The following FAM72B variants were observed in gnomAD, a reference collection of about 807,000 sequenced individuals.
FAM72B encodes protein FAM72B.
Under a neutral mutation model 12.6 loss-of-function variants are expected in FAM72B, and 4 were observed. That is an observed-to-expected ratio of 0.32 (90% CI 0.16 to 0.73). The LOEUF is 0.73. Among genes scored for constraint, FAM72B ranks in the 30% least tolerant of loss-of-function variants. The pLI, the probability that FAM72B is intolerant of heterozygous loss-of-function variation, is 0.67. For missense variants in FAM72B, 61 were observed against 158.4 expected, an observed-to-expected ratio of 0.39 and a Z score of 3.30; for synonymous variants, 13 against 53.9, an observed-to-expected ratio of 0.24 and a Z score of 3.32.
intron 2 of FAM72B, among the ~76,000 whole-genome samples, chr1:121,179,983 C>G (rs1553317401): frequency 1.0e-5 from 1 of 97,508 alleles, no homozygotes; most frequent in Non-Finnish European, 1.9e-5. Context: ...AATCAAATAG[C>G]ACATAAGAAG....
intron 2 of FAM72B, among the ~76,000 whole-genome samples, chr1:121,179,782 C>T (rs1362615680): frequency 3.6e-5 from 5 of 139,964 alleles, no homozygotes; most frequent in South Asian, 2.2e-4. Flanking sequence ...AAGCTGAGAT[C>T]GTGCCACTGC....
chr1:121,179,576 C>T (rs1260509449), intron 2 of FAM72B, among the ~76,000 whole-genome samples: 1 of 152,098 alleles, frequency 6.6e-6, no homozygotes, highest in East Asian at 1.9e-4. Flanking sequence ...GCCTGTAATC[C>T]TAGCACTTAG....
At position 121,172,806 on chromosome 1, in the gene FAM72B, ACT is replaced by A. The variant is rs1654122918; in HGVS notation, c.356-3973_356-3972del. Among the ~76,000 whole-genome samples the A allele has an allele frequency of 2.5e-5, 3 of 118,640 alleles. 1 individual carries two copies. In the Admixed American group the frequency reaches 2.6e-4, roughly 10 times the overall value. 77.8% of individuals were successfully genotyped at this position (118,640 alleles called of 152,430 possible). On this transcript the variant is annotated intron_variant, in intron 3 of 3. Transcript: ENST00000369390. ...AAGGTACTTCAGGCCAGGCATGGTG[ACT>A]CACGTCTGTAATCCCATGTAATCCC...
chr1:121,177,789 T>TCC (rs1553317076), intron 2 of FAM72B, among the ~76,000 whole-genome samples: 1 of 149,682 alleles, frequency 6.7e-6, no homozygotes, highest in African/African-American at 2.5e-5. Context: ...CCTCAGGTGA[T>TCC]CCACCTGCCT....
In FAM72B at chr1:121,168,816, C is replaced by T. The variant is rs1553315754; in HGVS notation, c.375G>A (p.Trp125Ter). ...LDSTGVNILL[W>*]GNLPEIEEST... ...TCTCTTCTATCTCTGGCAAGTTGCC[C>T]CAAAGTAGGATGTTTACACCTGAAA... Residue 125 changes from tryptophan to a stop codon, truncating the protein, a stop_gained, in exon 4 of 4, where the codon TGG becomes TGA. Coordinates refer to ENST00000369390, the MANE Select transcript of FAM72B (RefSeq NM_001100910.2). LOFTEE classifies it high-confidence loss of function. The T allele has an allele frequency of 1.9e-6, 3 of 1,609,302 alleles. No individual in the cohort carries two copies. Among genetic ancestry groups the T allele is most frequent in the South Asian group, 1.1e-5 (1 of 90,314 alleles).
intron 3 of FAM72B, among the ~76,000 whole-genome samples, chr1:121,175,661 T>TA (rs1482226729): frequency 3.3e-5 from 2 of 61,040 alleles, no homozygotes; most frequent in Non-Finnish European, 6.5e-5. Flanking sequence ...GTGGTAGAAA[T>TA]AGCAAGAAAA....
At position 121,183,541 on chromosome 1, in the gene FAM72B, A is replaced by G; in HGVS notation, c.-52T>C. 1.2e-6 allele frequency: 2 copies of G among 1,607,140 alleles called. No individual in the cohort carries two copies. Among genetic ancestry groups the G allele is most frequent in the Middle Eastern group, 2.3e-4 (1 of 4,402 alleles). On this transcript the variant is annotated 5_prime_UTR_variant, in exon 1 of 4. Transcript: ENST00000369390. Reference sequence around the variant, plus strand: ...GATTTTGAAAAAGGAAACAAGAGTAATGCTCCTACTATTTTGATTCCCCTA... The same window carrying G: ...GATTTTGAAAAAGGAAACAAGAGTAGTGCTCCTACTATTTTGATTCCCCTA...
Position 121,183,629 on chromosome 1 carries a change from G to A in FAM72B, c.-140C>T. ...AGTCCTAATATTGGGAAGGAAATTA[G>A]TTTTTTTTTTCTGTTTTCCCGGTGG... is the stretch of plus-strand genomic sequence containing the variant. On this transcript the variant is annotated 5_prime_UTR_variant, in exon 1 of 4. Coordinates refer to ENST00000369390, the MANE Select transcript of FAM72B (RefSeq NM_001100910.2). 1 of 1,527,846 alleles carries A rather than the reference G, an allele frequency of 6.5e-7. No homozygotes were observed. Among genetic ancestry groups the A allele is most frequent in the South Asian group, 1.3e-5 (1 of 78,058 alleles). 94.6% of individuals were successfully genotyped at this position (1,527,846 alleles called of 1,614,324 possible).
chr1:121,171,471 CTT>C (rs1553316183), intron 3 of FAM72B, among the ~76,000 whole-genome samples: 1 of 146,008 alleles, frequency 6.8e-6, no homozygotes, highest in Admixed American at 7.0e-5. Flanking sequence ...CAGCACCTTC[CTT>C]TCTCTGTTAA....
chr1:121,169,635 A>G (rs1371216093), intron 3 of FAM72B, among the ~76,000 whole-genome samples: 3 of 152,160 alleles, frequency 2.0e-5, no homozygotes, highest in Non-Finnish European at 2.9e-5. Flanking sequence ...TCTGATTCAG[A>G]AAAAAAGCAA....
intron 2 of FAM72B, among the ~76,000 whole-genome samples, chr1:121,179,450 G>A (rs1400849534): frequency 2.7e-5 from 4 of 149,394 alleles, no homozygotes; most frequent in African/African-American, 7.4e-5. Context: ...TTGGGAGGCC[G>A]AGGCAGGTGG....
Position 121,183,497 on chromosome 1 carries a change from C to A in FAM72B, c.-8G>T, listed in dbSNP as rs781940354. On this transcript the variant is annotated 5_prime_UTR_variant, in exon 1 of 4. Coordinates refer to ENST00000369390, the MANE Select transcript of FAM72B (RefSeq NM_001100910.2). Reference sequence around the variant, plus strand: ...ACAAATGTTGGTAGACATGGCGTCGCAGGAAGGATGAGGTGTGGGATTTTG... The same window carrying A: ...ACAAATGTTGGTAGACATGGCGTCGAAGGAAGGATGAGGTGTGGGATTTTG... The A allele has an allele frequency of 6.5e-7, 1 of 1,538,274 alleles. No homozygotes were observed.
In FAM72B at chr1:121,174,501, G is replaced by T. The variant is rs1216820592; in HGVS notation, c.355+2707C>A. ...TCCTGCCTTAGCCTCCCAAGTAGCTGGGATTATAGGCATGCGCCACCATGC... is the reference window on the plus strand; with the variant it reads ...TCCTGCCTTAGCCTCCCAAGTAGCTTGGATTATAGGCATGCGCCACCATGC... On this transcript the variant is annotated intron_variant, in intron 3 of 3. Coordinates refer to ENST00000369390, the MANE Select transcript of FAM72B (RefSeq NM_001100910.2). Among the ~76,000 whole-genome samples, 261 of 143,724 alleles carry T rather than the reference G, an allele frequency of 1.8e-3. 2 individuals carry two copies. The highest frequency in any genetic ancestry group is 6.3e-3 in the African/African-American group (244 of 38,784). 94.3% of individuals were successfully genotyped at this position (143,724 alleles called of 152,430 possible). A position where few individuals can be genotyped will look rare whatever the true frequency, so the allele number is the denominator to read the frequency against.
intron 3 of FAM72B, among the ~76,000 whole-genome samples, chr1:121,169,584 C>G (rs1654046700): frequency 6.6e-6 from 1 of 152,132 alleles, no homozygotes; most frequent in African/African-American, 2.4e-5. Context: ...AATAAGCCTC[C>G]TCATCCCTTC....
At chr1:121,174,614 G>T (rs1454223355) in intron 3 of FAM72B, among the ~76,000 whole-genome samples, 1 of 150,538 alleles carries the variant, frequency 6.6e-6, no homozygotes, top group Non-Finnish European at 1.5e-5. Flanking sequence ...TGATCTGCCC[G>T]CCTTGGCCTC....
At chr1:121,180,373 C>T (rs1654307429) in intron 2 of FAM72B, among the ~76,000 whole-genome samples, 1 of 119,376 alleles carries the variant, frequency 8.4e-6, no homozygotes, top group Non-Finnish European at 1.6e-5. Context: ...GAAATCCTGT[C>T]TCTACTAAAA....
chr1:121,172,760 CAAAAA>C (rs782502540), intron 3 of FAM72B, among the ~76,000 whole-genome samples: 25 of 21,524 alleles, frequency 1.2e-3, no homozygotes, highest in South Asian at 4.8e-3. Flanking sequence ...GACTCCATCT[CAAAAA>C]AAAAAAAAAA....
intron 3 of FAM72B, among the ~76,000 whole-genome samples, chr1:121,173,183 AATT>A (rs1489217735): frequency 8.4e-6 from 1 of 118,886 alleles, no homozygotes; most frequent in Non-Finnish European, 1.7e-5. Flanking sequence ...TTACTAAAAT[AATT>A]TTTTTTTTTT....
intron 2 of FAM72B, among the ~76,000 whole-genome samples, chr1:121,179,827 TAAAA>T (rs1278412357): frequency 8.1e-6 from 1 of 123,520 alleles, no homozygotes; most frequent in Non-Finnish European, 1.7e-5. Context: ...AACTCCGTCT[TAAAA>T]AAAAAAAAAA....
Sources: allele counts gnomAD v4.1 joint callset (sites outside exome capture counted in the v4.1 genomes callset), GRCh38; gene constraint gnomAD v4.1.1; transcripts MANE v1.5; gene names NCBI Gene and HGNC (gene_info 2026-07-23, HGNC 2026-07-21).